SLC4A4: variants seen among roughly 807,000 people sequenced by gnomAD.
SLC4A4 encodes solute carrier family 4 member 4.
A neutral mutation model predicts 111.5 loss-of-function variants in SLC4A4; 27 were observed. The ratio of observed to expected loss-of-function variants is 0.24; its 90% confidence interval spans 0.18 to 0.33. The LOEUF (loss-of-function observed/expected upper bound fraction) is 0.33, where lower values mean the gene tolerates loss of function less well. SLC4A4 is among the 10% of genes least tolerant of loss of function. The probability of loss-of-function intolerance (pLI) is 1.00; values close to 1 mark genes in which losing one functional copy is unlikely to be tolerated. For synonymous variants in SLC4A4, 443 were observed against 463.4 expected, an observed-to-expected ratio of 0.96 and a Z score of 0.57; for missense variants, 909 against 1,315.5, an observed-to-expected ratio of 0.69 and a Z score of 4.78.
At chr4:71,179,883 C>T (rs1745230070) in intron 2 of SLC4A4, among the ~76,000 whole-genome samples, 1 of 152,226 alleles carries the variant, frequency 6.6e-6, no homozygotes, top group African/African-American at 2.4e-5. Context: ...AAAAAGAGCC[C>T]ACATTGCCAA....
In SLC4A4 at chr4:71,209,843, C is replaced by T. The variant is rs1190682918; in HGVS notation, c.-2+22442C>T. Reference sequence around the variant, plus strand: ...GTATTTTTGGATTAACTATTATTTACAGTTTTCAGGAGATTTTAGCACTGT... The same window carrying T: ...GTATTTTTGGATTAACTATTATTTATAGTTTTCAGGAGATTTTAGCACTGT... On this transcript the variant is annotated intron_variant, in intron 1 of 25. Transcript: ENST00000264485. Among the ~76,000 whole-genome samples, 5 of 152,244 alleles carry T rather than the reference C, an allele frequency of 3.3e-5. No individual in the cohort carries two copies. The East Asian group carries it at 9.6e-4, about 29-fold the overall frequency.
rs1430832561 is a variant in SLC4A4 at position 71,532,077 on chromosome 4, A to T, written c.2182A>T (p.Ser728Cys). ...YFPTTARKLI[S>C]DFAIILSILI... ...ATTTTTCCAGGCAAGAAAACTGATC[A>T]GTGATTTTGCCATTATCTTGTCCAT... Residue 728 changes from serine (S) to cysteine (C), a missense_variant, in exon 17 of 26, where the codon AGT (serine) becomes TGT (cysteine). Around this residue, in one of 7 missense-constraint regions of SLC4A4, gnomAD observed 264 missense variants for 356.8 expected, o/e 0.74. Transcript: ENST00000264485. 1 of 1,609,722 alleles carries T rather than the reference A, an allele frequency of 6.2e-7. No individual in the cohort carries two copies. Among genetic ancestry groups the T allele is most frequent in the East Asian group, 2.2e-5 (1 of 44,810 alleles).
intron 1 of SLC4A4, among the ~76,000 whole-genome samples, chr4:71,086,823 A>T (rs1742191017): frequency 6.6e-6 from 1 of 151,758 alleles, no homozygotes; most frequent in African/African-American, 2.4e-5. Context: ...TTTATTGAGG[A>T]TTTTTGCATC....
chr4:71,480,155 A>G (rs7675923), intron 14 of SLC4A4, among the ~76,000 whole-genome samples: 118,458 of 151,028 alleles, frequency 0.78, 47,083 homozygotes, highest in East Asian at 0.93. Flanking sequence ...CTGAGTAGCT[A>G]GGACTACAGG....
At chr4:71,521,459 C>T (rs1732926162) in intron 16 of SLC4A4, among the ~76,000 whole-genome samples, 2 of 152,142 alleles carry the variant, frequency 1.3e-5, no homozygotes, top group African/African-American at 4.8e-5. Flanking sequence ...GTCTTGAACT[C>T]CTAGGTTCAA....
intron 23 of SLC4A4, among the ~76,000 whole-genome samples, chr4:71,562,688 G>A (rs1737102765): frequency 2.0e-5 from 3 of 151,624 alleles, no homozygotes; most frequent in Non-Finnish European, 2.9e-5. Flanking sequence ...ACACCGATGG[G>A]TCTTGATTCT....
At chr4:71,292,538 T>A (rs2149103925) in intron 3 of SLC4A4, among the ~76,000 whole-genome samples, 1 of 152,308 alleles carries the variant, frequency 6.6e-6, no homozygotes, top group African/African-American at 2.4e-5. Context: ...AGTTTTCCAA[T>A]GCTCTATAAA....
intron 1 of SLC4A4, among the ~76,000 whole-genome samples, chr4:71,204,602 A>G (rs567284428): frequency 3.9e-5 from 6 of 152,304 alleles, no homozygotes; most frequent in African/African-American, 1.2e-4. Context: ...AGTCTTTGCT[A>G]TTAGTATAGT....
intron 3 of SLC4A4, among the ~76,000 whole-genome samples, chr4:71,288,054 T>C (rs1292623682): frequency 6.6e-6 from 1 of 152,206 alleles, no homozygotes; most frequent in African/African-American, 2.4e-5. Context: ...TTTAAATCTC[T>C]ATCCACTGAG....
Position 71,478,926 on chromosome 4 carries a change from C to A in SLC4A4, c.1903+5956C>A, listed in dbSNP as rs1380437266. 3.3e-5 allele frequency among the ~76,000 whole-genome samples: 5 copies of A among 151,794 alleles called. No individual in the cohort carries two copies. In the East Asian group the frequency reaches 7.8e-4, roughly 24 times the overall value. Reference sequence around the variant, plus strand: ...AAATTTCTAATCTAATACCTCTGTTCATTTGCCTAATGTGTAAATCTTGCA... The same window carrying A: ...AAATTTCTAATCTAATACCTCTGTTAATTTGCCTAATGTGTAAATCTTGCA... On this transcript the variant is annotated intron_variant, in intron 14 of 25. Coordinates refer to ENST00000264485, the MANE Select transcript of SLC4A4 (RefSeq NM_001098484.3).
intron 16 of SLC4A4, among the ~76,000 whole-genome samples, chr4:71,514,431 C>T (rs1192522649): frequency 2.0e-5 from 3 of 152,204 alleles, no homozygotes; most frequent in Non-Finnish European, 2.9e-5. Context: ...GCTTCCTGTA[C>T]AGTCTGCAGA....
intron 19 of SLC4A4, among the ~76,000 whole-genome samples, chr4:71,547,249 T>C (rs1310645969): frequency 6.6e-6 from 1 of 152,002 alleles, no homozygotes; most frequent in Non-Finnish European, 1.5e-5. Context: ...AATTGGAATA[T>C]GGGACAATGT....
chr4:71,390,224 T>C (rs967245122), intron 6 of SLC4A4, among the ~76,000 whole-genome samples: 1 of 152,196 alleles, frequency 6.6e-6, no homozygotes, highest in Admixed American at 6.5e-5. Flanking sequence ...ACTTTGTCAA[T>C]CAAACTCATT....
intron 1 of SLC4A4, chr4:71,236,150 T>A: frequency 9.5e-7 from 1 of 1,049,420 alleles, no homozygotes. Context: ...ATGCAGTGGG[T>A]GTTTAAAGAG....
chr4:71,331,913 GAATGTGT>G (rs138281985), intron 3 of SLC4A4, among the ~76,000 whole-genome samples: 1 of 152,230 alleles, frequency 6.6e-6, no homozygotes, highest in African/African-American at 2.4e-5. Flanking sequence ...TTGGTAAGTT[GAATGTGT>G]CTAAGATTTG....
intron 3 of SLC4A4, among the ~76,000 whole-genome samples, chr4:71,256,498 A>C (rs1721461037): frequency 6.6e-6 from 1 of 152,196 alleles, no homozygotes; most frequent in Admixed American, 6.6e-5. Context: ...CAGGTGGACC[A>C]TCGAATTAAA....
chr4:71,379,569 C>G (rs1231665611), intron 6 of SLC4A4, among the ~76,000 whole-genome samples: 1 of 152,074 alleles, frequency 6.6e-6, no homozygotes, highest in Non-Finnish European at 1.5e-5. Context: ...ACCCCAACCC[C>G]CTTCCCCCAT....
At chr4:71,326,903 A>G (rs1727546297) in intron 3 of SLC4A4, among the ~76,000 whole-genome samples, 1 of 152,098 alleles carries the variant, frequency 6.6e-6, no homozygotes, top group Non-Finnish European at 1.5e-5. Flanking sequence ...TGAATACTTA[A>G]AATGATAACT....
At position 71,236,128 on chromosome 4, in the gene SLC4A4, G is replaced by C. The variant is rs1406761700; in HGVS notation, c.-1-448G>C. ...GGGTGTGCATGTGTGTGTGTGTGAG[G>C]GTATACATTTTATGCAGTGGGTGTT... On this transcript the variant is annotated intron_variant, in intron 1 of 25. Transcript: ENST00000264485. 7.7e-6 allele frequency: 8 copies of C among 1,042,428 alleles called. No homozygotes were observed. The African/African-American group carries it at 1.2e-4, about 16-fold the overall frequency. The allele number at this position is 1,042,428 out of a possible 1,614,324, so 64.6% of individuals were successfully genotyped here.
Sources: gnomAD v4.1 joint callset for allele counts (sites outside exome capture counted in the v4.1 genomes callset) on GRCh38, gnomAD v4.1.1 for gene constraint, gnomAD v4.1.1 regional missense constraint, MANE v1.5 for transcripts, NCBI Gene and HGNC (gene_info 2026-07-23, HGNC 2026-07-21) for gene names.